Variants in CSMD3 observed in about 807,000 individuals in gnomAD.
The protein encoded by CSMD3 is CUB and sushi domain-containing protein 3.
A neutral mutation model predicts 435.2 loss-of-function variants in CSMD3; 177 were observed. The observed-to-expected ratio is 0.41, with a 90% CI of 0.36 to 0.46. The LOEUF is 0.46. Among genes scored for constraint, CSMD3 ranks in the 20% least tolerant of loss-of-function variants. The pLI, the probability that CSMD3 is intolerant of heterozygous loss-of-function variation, is 0.34. For missense variants in CSMD3, 4,265 were observed against 4,504.6 expected (o/e 0.95, Z 1.52); for synonymous variants, 1,656 against 1,520.5 (o/e 1.09, Z -2.07).
At chr8:112,448,223 G>A (rs12115016) in intron 32 of CSMD3, among the ~76,000 whole-genome samples, 64,861 of 151,932 alleles carry the variant, frequency 0.43, 14,829 homozygotes, top group Middle Eastern at 0.6. Flanking sequence ...GAACATTGAT[G>A]CCTCTTCCTC....
At chr8:113,182,869 T>C (rs544918562) in intron 3 of CSMD3, among the ~76,000 whole-genome samples, 2 of 143,314 alleles carry the variant, frequency 1.4e-5, no homozygotes, top group African/African-American at 4.9e-5. Flanking sequence ...AGTTTTGTTG[T>C]TGCTGTTGTT....
In CSMD3 at chr8:112,247,012, ATACT is replaced by A; in HGVS notation, c.10222+4_10222+7del. The A allele has an allele frequency of 1.3e-6, 2 of 1,583,884 alleles. No individual in the cohort carries two copies. Among genetic ancestry groups the A allele is most frequent in the Non-Finnish European group, 1.7e-6 (2 of 1,152,526 alleles). ...ATGATAGCATTATTTCTTATCCATAATACTTACGTATGCATTCAGGCTGAATCCC... is the reference window on the plus strand; with the variant it reads ...ATGATAGCATTATTTCTTATCCATAATACGTATGCATTCAGGCTGAATCCC... On this transcript the variant is annotated splice_donor_5th_base_variant and intron_variant, in intron 64 of 70. Transcript: ENST00000297405.
At chr8:112,578,932 T>C (rs1375567130) in intron 23 of CSMD3, among the ~76,000 whole-genome samples, 2 of 152,052 alleles carry the variant, frequency 1.3e-5, no homozygotes, top group African/African-American at 4.8e-5. Flanking sequence ...AATGTACAAA[T>C]AGTAATAAAA....
Position 112,473,039 on chromosome 8 carries a change from G to A in CSMD3, c.5279-332C>T, listed in dbSNP as rs1005363177. 2.0e-5 allele frequency among the ~76,000 whole-genome samples: 3 copies of A among 152,256 alleles called. No individual in the cohort carries two copies. The East Asian group carries it at 5.8e-4, about 29-fold the overall frequency. On this transcript the variant is annotated intron_variant, in intron 31 of 70. Coordinates refer to ENST00000297405, the MANE Select transcript of CSMD3 (RefSeq NM_198123.2). ...TTTATAATAATGATAAAATACATAT[G>A]CAAGTGGGAAATTGTTTTACTTGCT...
chr8:112,762,304 C>T (rs16884083), intron 13 of CSMD3, among the ~76,000 whole-genome samples: 1,872 of 151,954 alleles, frequency 0.012, 36 homozygotes, highest in African/African-American at 0.043. Flanking sequence ...TTTCATTGTA[C>T]ATGTATTGTC....
At chr8:112,777,261 C>T (rs558902338) in intron 13 of CSMD3, among the ~76,000 whole-genome samples, 1 of 151,886 alleles carries the variant, frequency 6.6e-6, no homozygotes, top group South Asian at 2.1e-4. Flanking sequence ...TTTCACAGAA[C>T]ACAAACCACG....
At chr8:112,291,307 A>T (rs946611837) in intron 56 of CSMD3, among the ~76,000 whole-genome samples, 1 of 151,982 alleles carries the variant, frequency 6.6e-6, no homozygotes, top group South Asian at 2.1e-4. Context: ...TGATAGATAA[A>T]TATTTATCAC....
intron 31 of CSMD3, among the ~76,000 whole-genome samples, chr8:112,486,290 C>G (rs1820129136): frequency 1.3e-5 from 2 of 151,980 alleles, no homozygotes; most frequent in Non-Finnish European, 2.9e-5. Flanking sequence ...ATACAAAGTC[C>G]TTTGCAGAAT....
At chr8:113,110,142 G>A (rs995409197) in intron 4 of CSMD3, among the ~76,000 whole-genome samples, 3 of 152,050 alleles carry the variant, frequency 2.0e-5, no homozygotes, top group African/African-American at 7.2e-5. Context: ...AATAGCACCA[G>A]GCTGATCCAT....
intron 38 of CSMD3, among the ~76,000 whole-genome samples, chr8:112,355,037 G>A (rs1044303169): frequency 6.6e-6 from 1 of 152,154 alleles, no homozygotes. Flanking sequence ...AGAGAACTAA[G>A]AAATAAATCC....
At chr8:113,433,327 G>C (rs1485061933) in intron 1 of CSMD3, among the ~76,000 whole-genome samples, 1 of 152,154 alleles carries the variant, frequency 6.6e-6, no homozygotes, top group Admixed American at 6.5e-5. Flanking sequence ...GGCGAGGACT[G>C]TGGGTGTCAG....
intron 5 of CSMD3, among the ~76,000 whole-genome samples, chr8:113,064,568 G>C (rs1268733670): frequency 1.3e-5 from 2 of 151,984 alleles, no homozygotes; most frequent in African/African-American, 2.4e-5. Context: ...TAATACAGCA[G>C]GATAAAACTA....
At chr8:112,464,915 T>TTACCTAAA (rs1817810697) in intron 32 of CSMD3, among the ~76,000 whole-genome samples, 1 of 152,186 alleles carries the variant, frequency 6.6e-6, no homozygotes. Context: ...ATCATCAGCG[T>TTACCTAAA]TATTGCCTTA....
chr8:113,422,853 G>C (rs1319034592), intron 1 of CSMD3, among the ~76,000 whole-genome samples: 1 of 151,968 alleles, frequency 6.6e-6, no homozygotes, highest in South Asian at 2.1e-4. Context: ...TTAGGTATCA[G>C]CTACAACATG....
At chr8:112,518,627 TGTGAGAGA>T (rs1237526257) in intron 27 of CSMD3, among the ~76,000 whole-genome samples, 80 of 133,038 alleles carry the variant, frequency 6.0e-4, no homozygotes, top group African/African-American at 1.3e-3. Flanking sequence ...TGTGTGTGTG[TGTGAGAGA>T]GAGAGAGAGA....
intron 6 of CSMD3, among the ~76,000 whole-genome samples, chr8:112,980,254 G>T (rs1025487289): frequency 6.6e-6 from 1 of 150,648 alleles, no homozygotes; most frequent in Non-Finnish European, 1.5e-5. Context: ...AGAATATATT[G>T]CTAGAGATAT....
intron 6 of CSMD3, among the ~76,000 whole-genome samples, chr8:112,997,628 A>G (rs2085703237): frequency 1.3e-5 from 2 of 151,658 alleles, no homozygotes; most frequent in South Asian, 4.1e-4. Flanking sequence ...AGTTTGTATC[A>G]GTTGACATTT....
intron 27 of CSMD3, among the ~76,000 whole-genome samples, chr8:112,544,851 T>G (rs1198652494): frequency 1.3e-5 from 2 of 152,202 alleles, no homozygotes; most frequent in Non-Finnish European, 2.9e-5. Context: ...TACAAACTTT[T>G]TCATTAAACA....
chr8:113,359,124 T>C (rs1264661202), intron 1 of CSMD3, among the ~76,000 whole-genome samples: 2 of 152,088 alleles, frequency 1.3e-5, no homozygotes, highest in Non-Finnish European at 2.9e-5. Flanking sequence ...TAAAAAATAA[T>C]TTGGGATTGC....
Sources: allele counts gnomAD v4.1 joint callset (sites outside exome capture counted in the v4.1 genomes callset), GRCh38; gene constraint gnomAD v4.1.1; transcripts MANE v1.5; gene names NCBI Gene and HGNC (gene_info 2026-07-23, HGNC 2026-07-21).